The following ZNF718 variants were observed in gnomAD, a reference collection of about 807,000 sequenced individuals.
The protein encoded by ZNF718 is zinc finger protein 718.
In ZNF718, 3 loss-of-function variants were observed where a neutral mutation model predicts 2.6. That is an observed-to-expected ratio of 1.16 (90% CI 0.53 to 3.01). The LOEUF (loss-of-function observed/expected upper bound fraction) is 3.01. Among genes scored for constraint, ZNF718 ranks in the 30% most tolerant of loss-of-function variants. ZNF718 has a pLI of 0.03. For synonymous variants in ZNF718, 135 were observed against 77.9 expected (o/e 1.73, Z -3.86); for missense variants, 468 against 230.0 (o/e 2.03, Z -6.69).
chr4:135,742 G>A (rs4374576), intron 3 of ZNF718, among the ~76,000 whole-genome samples: 17,479 of 52,454 alleles, frequency 0.33, 1,804 homozygotes, highest in East Asian at 0.42. Flanking sequence ...TTATATATAT[G>A]TGCATGATTA....
rs1553815138 is a variant in ZNF718 at position 161,490 on chromosome 4, A to G, written c.805A>G (p.Thr269Ala). The change falls in exon 4 of 4, where the codon ACC (threonine) becomes GCC (alanine). Residue 269 changes from threonine (T) to alanine (A), a missense_variant. Coordinates refer to ENST00000510175, the MANE Select transcript of ZNF718 (RefSeq NM_001039127.6). ...KCGKAFNQSS[T>A]LNLHKRIHSA... ...TGGTAAAGCTTTTAACCAATCCTCA[A>G]CCCTTAATTTACATAAGAGAATTCA... 1.3e-6 allele frequency: 1 copy of G among 780,684 alleles called. No individual in the cohort carries two copies. Among genetic ancestry groups the G allele is most frequent in the Non-Finnish European group, 2.4e-6 (1 of 417,904 alleles). The allele number at this position is 780,684 out of a possible 1,614,324, so 48.4% of individuals were successfully genotyped here.
At chr4:169,730 C>T (rs1358498727) in intron 3 of ZNF718, among the ~76,000 whole-genome samples, 4 of 152,180 alleles carry the variant, frequency 2.6e-5, no homozygotes, top group East Asian at 1.9e-4. Flanking sequence ...TTATTTTGAG[C>T]GTATGTGTGC....
In ZNF718 at chr4:161,725, C is replaced by T. The variant is rs782311742; in HGVS notation, c.1040C>T (p.Ser347Phe). ...TACAAATGTGAAGAATGTGGAAAAT[C>T]CTTTAATAGGTCCACAACTCTTACG... is the stretch of plus-strand genomic sequence containing the variant. ...KPYKCEECGK[S>F]FNRSTTLTTH... Residue 347 changes from serine (S) to phenylalanine (F), a missense_variant, in exon 4 of 4, where the codon TCC (serine) becomes TTC (phenylalanine). Coordinates refer to ENST00000510175, the MANE Select transcript of ZNF718 (RefSeq NM_001039127.6). 2 of 778,956 alleles carry T rather than the reference C, an allele frequency of 2.6e-6. No homozygotes were observed. The highest frequency in any genetic ancestry group is 4.8e-6 in the Non-Finnish European group (2 of 417,162). The allele number at this position is 778,956 out of a possible 1,614,324, so 48.3% of individuals were successfully genotyped here. A position where few individuals can be genotyped will look rare whatever the true frequency, so the allele number is the denominator to read the frequency against.
chr4:179,447 T>C (rs1414773825), intron 3 of ZNF718, among the ~76,000 whole-genome samples: 3 of 152,212 alleles, frequency 2.0e-5, no homozygotes, highest in Non-Finnish European at 4.4e-5. Flanking sequence ...TTAATAAGGC[T>C]GACATGGAAT....
intron 3 of ZNF718, among the ~76,000 whole-genome samples, chr4:172,938 A>G (rs1472399228): frequency 2.0e-5 from 3 of 152,082 alleles, no homozygotes; most frequent in African/African-American, 7.2e-5. Context: ...CCAGCTACTC[A>G]GGAGGCTGAG....
chr4:168,471 C>T (rs1717143873), downstream of ZNF718, among the ~76,000 whole-genome samples: 1 of 152,114 alleles, frequency 6.6e-6, no homozygotes, highest in Non-Finnish European at 1.5e-5. Context: ...GCTGTGAATC[C>T]ATCTGGTGCT....
At chr4:169,896 T>C (rs1398626463) in intron 3 of ZNF718, among the ~76,000 whole-genome samples, 3 of 151,886 alleles carry the variant, frequency 2.0e-5, no homozygotes, top group Non-Finnish European at 4.4e-5. Flanking sequence ...CATTATGATG[T>C]TAGCTGGTTA....
chr4:178,524 G>T (rs557483439), intron 3 of ZNF718, among the ~76,000 whole-genome samples: 1 of 152,224 alleles, frequency 6.6e-6, no homozygotes, highest in Admixed American at 6.5e-5. Flanking sequence ...GTGCATGGGG[G>T]TTCCAAATGC....
intron 3 of ZNF718, among the ~76,000 whole-genome samples, chr4:144,133 A>T (rs1283618454): frequency 6.6e-6 from 1 of 152,182 alleles, no homozygotes; most frequent in Non-Finnish European, 1.5e-5. Flanking sequence ...TCTAGGTGGT[A>T]TTTAAGCTCC....
chr4:165,791 TCA>T (rs1359336139), downstream of ZNF718, among the ~76,000 whole-genome samples: 2 of 152,142 alleles, frequency 1.3e-5, no homozygotes, highest in Non-Finnish European at 2.9e-5. Flanking sequence ...AGAGTGAGAC[TCA>T]GTGTCAAAAG....
At chr4:158,309 A>C (rs1344222873) in intron 3 of ZNF718, among the ~76,000 whole-genome samples, 1 of 151,980 alleles carries the variant, frequency 6.6e-6, no homozygotes, top group Non-Finnish European at 1.5e-5. Flanking sequence ...TGTTTTTTTA[A>C]TTGTTAAAAT....
In ZNF718 at chr4:195,435, G is replaced by A. The variant is rs570986165; in HGVS notation, c.227-5646G>A. Among the ~76,000 whole-genome samples, 421 of 152,312 alleles carry A rather than the reference G, an allele frequency of 2.8e-3. 2 individuals carry two copies. The highest frequency in any genetic ancestry group is 0.019 in the South Asian group (93 of 4,824). ...CTGAAGGGAGTTCCTCCTTAGTCTG[G>A]TCGGACCTTTGTATGGTAATTAAGA... is the stretch of plus-strand genomic sequence containing the variant. On this transcript the variant is annotated intron_variant and NMD_transcript_variant, in intron 3 of 4. Transcript: ENST00000642529.
At chr4:166,977 G>A (rs572531634), downstream of ZNF718, among the ~76,000 whole-genome samples, 8 of 152,208 alleles carry the variant, frequency 5.3e-5, no homozygotes, top group South Asian at 1.7e-3. Flanking sequence ...GGGTTTTTAT[G>A]GTTTTAGGCT....
At chr4:150,099 A>G (rs1023578943) in intron 3 of ZNF718, 3 of 152,036 alleles carry the variant, frequency 2.0e-5, no homozygotes, top group African/African-American at 7.2e-5. Context: ...TATTCTTATT[A>G]GTGTCATTAA....
At position 155,604 on chromosome 4, in the gene ZNF718, G is replaced by A. The variant is rs564553435; in HGVS notation, c.227-5308G>A. Among the ~76,000 whole-genome samples, 49 of 152,282 alleles carry A rather than the reference G, an allele frequency of 3.2e-4. 1 individual carries two copies. Among genetic ancestry groups the A allele is most frequent in the African/African-American group, 1.2e-3 (48 of 41,546 alleles). On this transcript the variant is annotated intron_variant, in intron 3 of 3. Coordinates refer to ENST00000510175, the MANE Select transcript of ZNF718 (RefSeq NM_001039127.6). ...CCAATTTCTCTTACTTGGTATGGGT[G>A]TATTTACCCAATGCCTGCACCCCCA...
chr4:190,291 G>A (rs186265517), intron 3 of ZNF718, among the ~76,000 whole-genome samples: 2 of 152,084 alleles, frequency 1.3e-5, no homozygotes, highest in East Asian at 3.9e-4. Context: ...TTAGCCAGGC[G>A]TGGTGATGGG....
intron 3 of ZNF718, among the ~76,000 whole-genome samples, chr4:139,656 A>G (rs1553809995): frequency 6.6e-6 from 1 of 152,152 alleles, no homozygotes; most frequent in East Asian, 1.9e-4. Flanking sequence ...GTTTTGTCCA[A>G]TTCTTTGTTA....
intron 3 of ZNF718, among the ~76,000 whole-genome samples, chr4:154,414 G>C (rs1260973093): frequency 2.0e-5 from 3 of 152,174 alleles, no homozygotes. Context: ...GGAAAGTTTG[G>C]AACTTCCTGG....
At chr4:199,115 G>A (rs1717848264) in intron 3 of ZNF718, among the ~76,000 whole-genome samples, 2 of 152,230 alleles carry the variant, frequency 1.3e-5, no homozygotes, top group Admixed American at 1.3e-4. Context: ...GCTGGGTTTA[G>A]ATCCTGGCTC....
Sources: allele counts gnomAD v4.1 joint callset (sites outside exome capture counted in the v4.1 genomes callset), GRCh38; gene constraint gnomAD v4.1.1; transcripts MANE v1.5; gene names NCBI Gene and HGNC (gene_info 2026-07-23, HGNC 2026-07-21).